The following ZFP37 variants were observed in gnomAD, a reference collection of about 807,000 sequenced individuals.
ZFP37 encodes ZFP37 zinc finger protein.
ZFP37 carries 38 observed loss-of-function variants against 52.1 expected under a neutral mutation model. The observed-to-expected ratio is 0.73, with a 90% CI of 0.56 to 0.96. The LOEUF (loss-of-function observed/expected upper bound fraction) is 0.96. ZFP37 is among the 40% of genes least tolerant of loss of function. The probability of loss-of-function intolerance (pLI) is 0.00; values close to 1 mark genes in which losing one functional copy is unlikely to be tolerated. For missense variants in ZFP37, 695 were observed against 741.4 expected, an observed-to-expected ratio of 0.94 and a Z score of 0.73; for synonymous variants, 253 against 259.5, an observed-to-expected ratio of 0.98 and a Z score of 0.24.
chr9:113,048,527 C>T (rs1290506854), intron 3 of ZFP37, among the ~76,000 whole-genome samples: 4 of 152,038 alleles, frequency 2.6e-5, no homozygotes, highest in Admixed American at 2.6e-4. Context: ...AAGAGGGTCA[C>T]TGCTCCTTCT....
intron 1 of ZFP37, among the ~76,000 whole-genome samples, chr9:113,055,093 G>T (rs1415494993): frequency 6.6e-6 from 1 of 152,108 alleles, no homozygotes; most frequent in Admixed American, 6.5e-5. Flanking sequence ...CTTTCCCTCT[G>T]ACTGTGCTCC....
chr9:113,044,058 T>C lies in ZFP37; in HGVS notation c.560A>G (p.Asn187Ser), dbSNP rs1564344024. The change falls in exon 4 of 4, where the codon AAT becomes AGT. Residue 187 changes from asparagine to serine, a missense_variant. Asn to Ser is a conservative substitution (Grantham distance 46). Transcript: ENST00000374227. ...TCTTGAGTGATCAGGTAAATCTAAA[T>C]TCTGTTTCAAAATTTTTCCACATGA... Reference protein sequence around the residue: ...FESCGKILKQNLDLPDHSRNC... With the variant: ...FESCGKILKQSLDLPDHSRNC... The C allele has an allele frequency of 1.2e-6, 2 of 1,610,114 alleles. No homozygotes were observed. The highest frequency in any genetic ancestry group is 2.7e-5 in the African/African-American group (2 of 74,728).
Position 113,043,929 on chromosome 9 carries a change from T to C in ZFP37, c.689A>G (p.His230Arg), listed in dbSNP as rs1470153268. The C allele has an allele frequency of 1.2e-6, 2 of 1,613,952 alleles. No homozygotes were observed. Among genetic ancestry groups the C allele is most frequent in the African/African-American group, 2.7e-5 (2 of 74,934 alleles). Residue 230 changes from histidine to arginine, a missense_variant, in exon 4 of 4, where the codon CAT becomes CGT. By Grantham distance (29) the His-to-Arg change is conservative. Coordinates refer to ENST00000374227, the MANE Select transcript of ZFP37 (RefSeq NM_003408.3). ...RKGKKQTGKK[H>R]EKLSSHSSSD... Reference sequence around the variant, plus strand: ...TGAGCTATGGCTGGATAATTTCTCATGTTTCTTTCCAGTTTGCTTTTTGCC... The same window carrying C: ...TGAGCTATGGCTGGATAATTTCTCACGTTTCTTTCCAGTTTGCTTTTTGCC...
Position 113,049,862 on chromosome 9 carries a change from T to C in ZFP37, c.143A>G (p.Gln48Arg). The C allele has an allele frequency of 6.2e-7, 1 of 1,614,118 alleles. No individual in the cohort carries two copies. Among genetic ancestry groups the C allele is most frequent in the Non-Finnish European group, 8.5e-7 (1 of 1,179,954 alleles). Residue 48 changes from glutamine to arginine, a missense_variant, in exon 2 of 4, where the codon CAA (glutamine) becomes CGA (arginine). By Grantham distance (43) the Gln-to-Arg change is conservative. Coordinates refer to ENST00000374227, the MANE Select transcript of ZFP37 (RefSeq NM_003408.3). ...EPEASAAEWK[Q>R]LDPAQSNLYN... is the part of the protein sequence containing the mutation. Reference sequence around the variant, plus strand: ...CAGGTTGCTCTGAGCAGGATCCAGTTGCTTCCATTCCTTCTGGGTAAAGGC... The same window carrying C: ...CAGGTTGCTCTGAGCAGGATCCAGTCGCTTCCATTCCTTCTGGGTAAAGGC...
Position 113,040,962 on chromosome 9 carries a change from CTT to C in ZFP37, c.*1761_*1762del, listed in dbSNP as rs58992467. On this transcript the variant is annotated 3_prime_UTR_variant, in exon 4 of 4. Transcript: ENST00000374227. ...GAAGTTTTGTGCATTTTTTGTATTTCTTTTTTTTGAGACAGAGCCTCACTCTG... is the reference window on the plus strand; with the variant it reads ...GAAGTTTTGTGCATTTTTTGTATTTCTTTTTTGAGACAGAGCCTCACTCTG... The C allele has an allele frequency of 1.3e-5, 2 of 151,696 alleles. No homozygotes were observed. Among genetic ancestry groups the C allele is most frequent in the Non-Finnish European group, 2.9e-5 (2 of 67,912 alleles). 9.4% of individuals were successfully genotyped at this position (151,696 alleles called of 1,614,324 possible). A position where few individuals can be genotyped will look rare whatever the true frequency, so the allele number is the denominator to read the frequency against.
chr9:113,049,512 A>G lies in ZFP37; in HGVS notation c.215-16T>C. Reference sequence around the variant, plus strand: ...GCTTGACACCCTGCTCATGAGAAATAGCAGAAACTGAGTGTTAGAACAACC... The same window carrying G: ...GCTTGACACCCTGCTCATGAGAAATGGCAGAAACTGAGTGTTAGAACAACC... On this transcript the variant is annotated splice_polypyrimidine_tract_variant and intron_variant, in intron 2 of 3. Coordinates refer to ENST00000374227, the MANE Select transcript of ZFP37 (RefSeq NM_003408.3). The G allele has an allele frequency of 1.2e-6, 2 of 1,607,844 alleles. No homozygotes were observed. Among genetic ancestry groups the G allele is most frequent in the Non-Finnish European group, 1.7e-6 (2 of 1,176,212 alleles).
chr9:113,051,324 A>C (rs1258309952), intron 1 of ZFP37, among the ~76,000 whole-genome samples: 1 of 152,196 alleles, frequency 6.6e-6, no homozygotes, highest in Non-Finnish European at 1.5e-5. Context: ...CTTATTAGGC[A>C]GGTGGGGGAG....
chr9:113,050,096 C>T, intron 1 of ZFP37: 1 of 643,556 alleles, frequency 1.6e-6, no homozygotes, highest in Non-Finnish European at 2.4e-6. Flanking sequence ...AAGAAATGTC[C>T]CTACTGAGCT....
rs776819653 is a variant in ZFP37 at position 113,039,768 on chromosome 9, G to A, written c.*2957C>T. On this transcript the variant is annotated 3_prime_UTR_variant, in exon 4 of 4. Transcript: ENST00000374227. ...TTGAATAAATAAATGTTTCAAAACT[G>A]TTAATAATAATTTACTTTTATGCCC... is the stretch of plus-strand genomic sequence containing the variant. 8.6e-5 allele frequency: 13 copies of A among 151,812 alleles called. No homozygotes were observed. The highest frequency in any genetic ancestry group is 3.3e-4 in the Admixed American group (5 of 15,242). The allele number at this position is 151,812 out of a possible 1,614,324, so 9.4% of individuals were successfully genotyped here.
chr9:113,054,318 GTTGTTTT>G (rs1829105380), intron 1 of ZFP37, among the ~76,000 whole-genome samples: 1 of 152,100 alleles, frequency 6.6e-6, no homozygotes, highest in Non-Finnish European at 1.5e-5. Flanking sequence ...TATTCTCTCT[GTTGTTTT>G]TTGTCTTCTA....
At position 113,038,899 on chromosome 9, in the gene ZFP37, T is replaced by A. The variant is rs1828804438; in HGVS notation, c.*3826A>T. 1 of 152,202 alleles carries A rather than the reference T, an allele frequency of 6.6e-6. No homozygotes were observed. Among genetic ancestry groups the A allele is most frequent in the Non-Finnish European group, 1.5e-5 (1 of 68,034 alleles). 9.4% of individuals were successfully genotyped at this position (152,202 alleles called of 1,614,324 possible). A position where few individuals can be genotyped will look rare whatever the true frequency, so the allele number is the denominator to read the frequency against. The stretch of plus-strand genomic sequence containing the variant: ...GAGCACATTCTTCTAGAAGGGGGAC[T>A]TTGTGGAAAATTTTAATTTTCTTCA... On this transcript the variant is annotated 3_prime_UTR_variant, in exon 4 of 4. Coordinates refer to ENST00000374227, the MANE Select transcript of ZFP37 (RefSeq NM_003408.3).
At chr9:113,056,458 A>G (rs1829145251) in intron 1 of ZFP37, 99 bp downstream of exon 1, 5 of 1,541,594 alleles carry the variant, frequency 3.2e-6, no homozygotes, top group Middle Eastern at 1.7e-4. Context: ...CGATTCCACC[A>G]ATTCCCAAAT....
At position 113,049,737 on chromosome 9, in the gene ZFP37, A is replaced by C. The variant is rs1479917175; in HGVS notation, c.214+54T>G. The C allele has an allele frequency of 1.9e-6, 3 of 1,591,386 alleles. 1 individual carries two copies. The African/African-American group carries it at 4.0e-5, about 21-fold the overall frequency. ...GAAGGCCAAACTTATCAAGGACTCCAGAGAGAAGGTATCACAGTGGACACA... is the reference window on the plus strand; with the variant it reads ...GAAGGCCAAACTTATCAAGGACTCCCGAGAGAAGGTATCACAGTGGACACA... On this transcript the variant is annotated intron_variant, in intron 2 of 3. Transcript: ENST00000374227.
At position 113,043,602 on chromosome 9, in the gene ZFP37, TGTACAAC is replaced by T; in HGVS notation, c.1009_1015del (p.Val337IlefsTer30). The stretch of plus-strand genomic sequence containing the variant: ...TTTTTCTCCGGTGTGAGTTCTCTGA[TGTACAAC>T]AAGGTGTGACTTTTGGCTAAAGGCT... On this transcript the variant is annotated frameshift_variant, in exon 4 of 4. Coordinates refer to ENST00000374227, the MANE Select transcript of ZFP37 (RefSeq NM_003408.3). LOFTEE classifies it high-confidence loss of function. The T allele has an allele frequency of 6.2e-7, 1 of 1,614,082 alleles. No homozygotes were observed. The highest frequency in any genetic ancestry group is 1.3e-5 in the African/African-American group (1 of 75,064).
intron 3 of ZFP37, among the ~76,000 whole-genome samples, chr9:113,044,739 A>G (rs907636599): frequency 6.6e-6 from 1 of 152,180 alleles, no homozygotes. Context: ...CAAGATGTCC[A>G]ACAAGATTCT....
intron 3 of ZFP37, among the ~76,000 whole-genome samples, chr9:113,048,287 G>A (rs1828994800): frequency 6.6e-6 from 1 of 152,178 alleles, no homozygotes. Flanking sequence ...GAATTTCCTA[G>A]TGAAAGGAGA....
At position 113,042,788 on chromosome 9, in the gene ZFP37, G is replaced by C; in HGVS notation, c.1830C>G (p.Phe610Leu). ...GTTTGGTTAGGGATGCATTTTGTTT[G>C]AAAGTTTTCCCACATTCATTACATT... Reference protein sequence around the residue: ...PYECNECGKTFKQNASLTKHV... With the variant: ...PYECNECGKTLKQNASLTKHV... The change falls in exon 4 of 4, where the codon TTC becomes TTG. Residue 610 changes from phenylalanine to leucine, a missense_variant. Phe to Leu is a conservative substitution (Grantham distance 22, BLOSUM62 0). Transcript: ENST00000374227. The C allele has an allele frequency of 6.2e-7, 1 of 1,609,430 alleles. No individual in the cohort carries two copies.
chr9:113,047,509 G>A (rs1828979036), intron 3 of ZFP37, among the ~76,000 whole-genome samples: 1 of 152,060 alleles, frequency 6.6e-6, no homozygotes, highest in Admixed American at 6.5e-5. Flanking sequence ...CCCAACACTG[G>A]GAAGCTGAGG....
At position 113,043,414 on chromosome 9, in the gene ZFP37, C is replaced by A. The variant is rs763399921; in HGVS notation, c.1204G>T (p.Glu402Ter). 130 of 1,614,000 alleles carry A rather than the reference C, an allele frequency of 8.1e-5. 1 individual carries two copies. Among genetic ancestry groups the A allele is most frequent in the Non-Finnish European group, 1.0e-4 (123 of 1,179,996 alleles). ...CATTCCTTACATTCATATGGCTTCT[C>A]ACCTGTGTGAGATCTCACATGTTGA... ...LIQHVRSHTG[E>*]KPYECKECGK... Residue 402 changes from glutamate to a stop codon, truncating the protein, a stop_gained, in exon 4 of 4, where the codon GAG becomes TAG. Coordinates refer to ENST00000374227, the MANE Select transcript of ZFP37 (RefSeq NM_003408.3). LOFTEE classifies it high-confidence loss of function.
Sources: gnomAD v4.1 joint callset for allele counts (sites outside exome capture counted in the v4.1 genomes callset) on GRCh38, gnomAD v4.1.1 for gene constraint, MANE v1.5 for transcripts, NCBI Gene and HGNC (gene_info 2026-07-23, HGNC 2026-07-21) for gene names.